Variants in CHRM5 observed in about 807,000 individuals in gnomAD.
The protein encoded by CHRM5 is cholinergic receptor muscarinic 5.
Under a neutral mutation model 39.0 loss-of-function variants are expected in CHRM5, and 18 were observed. The ratio of observed to expected loss-of-function variants is 0.46; its 90% CI spans 0.32 to 0.68. CHRM5 has a LOEUF of 0.68. Among genes scored for constraint, CHRM5 ranks in the 30% least tolerant of loss-of-function variants. The pLI, the probability that CHRM5 is intolerant of heterozygous loss-of-function variation, is 0.04. For synonymous variants in CHRM5, 241 were observed against 246.3 expected (o/e 0.98, Z 0.20); for missense variants, 515 against 651.1 (o/e 0.79, Z 2.28).
intron 1 of CHRM5, among the ~76,000 whole-genome samples, chr15:34,018,887 AAC>A (rs1219174245): frequency 7.0e-6 from 1 of 143,414 alleles, no homozygotes; most frequent in African/African-American, 2.9e-5. Flanking sequence ...CCTTTAGCTA[AAC>A]ACAGAGTGCT....
intron 1 of CHRM5, among the ~76,000 whole-genome samples, chr15:34,007,693 G>C (rs1056604451): frequency 6.6e-6 from 1 of 152,174 alleles, no homozygotes; most frequent in Non-Finnish European, 1.5e-5. Context: ...TCCTACAGCT[G>C]CCATAACAAA....
chr15:34,023,368 G>A (rs945602888), intron 1 of CHRM5, among the ~76,000 whole-genome samples: 7 of 152,098 alleles, frequency 4.6e-5, no homozygotes, highest in African/African-American at 1.7e-4. Flanking sequence ...ACCTCATCTT[G>A]GCCGAGTCCT....
At chr15:34,019,652 T>A (rs1013292047) in intron 1 of CHRM5, among the ~76,000 whole-genome samples, 7 of 152,238 alleles carry the variant, frequency 4.6e-5, no homozygotes, top group Non-Finnish European at 7.3e-5. Flanking sequence ...GTACCTTTTT[T>A]ATGTTTAGAC....
intron 1 of CHRM5, among the ~76,000 whole-genome samples, chr15:33,983,216 A>ATG (rs1851013682): frequency 8.6e-5 from 1 of 11,610 alleles, no homozygotes; most frequent in Non-Finnish European, 2.1e-4. Context: ...ATATATATAC[A>ATG]TATATATACA....
intron 1 of CHRM5, among the ~76,000 whole-genome samples, chr15:34,040,324 C>T (rs528131469): frequency 1.3e-5 from 2 of 152,230 alleles, no homozygotes; most frequent in South Asian, 4.2e-4. Context: ...TATATTTAAA[C>T]GGGTTACCCA....
intron 1 of CHRM5, among the ~76,000 whole-genome samples, chr15:33,975,279 T>C (rs1895836419): frequency 6.6e-6 from 1 of 152,196 alleles, no homozygotes; most frequent in African/African-American, 2.4e-5. Flanking sequence ...TTTGATTCCA[T>C]ATAGACACTG....
At chr15:34,036,837 G>T (rs1899149785) in intron 1 of CHRM5, among the ~76,000 whole-genome samples, 2 of 148,040 alleles carry the variant, frequency 1.4e-5, no homozygotes. Flanking sequence ...GGCGCAGTGG[G>T]TCACACCTGT....
At chr15:34,040,082 T>C (rs761641125) in intron 1 of CHRM5, among the ~76,000 whole-genome samples, 1 of 152,212 alleles carries the variant, frequency 6.6e-6, no homozygotes, top group Non-Finnish European at 1.5e-5. Context: ...TTCTTTCCTA[T>C]ATCCATACAT....
intron 1 of CHRM5, among the ~76,000 whole-genome samples, chr15:34,030,654 A>G (rs1898744890): frequency 6.6e-6 from 1 of 151,458 alleles, no homozygotes; most frequent in Non-Finnish European, 1.5e-5. Context: ...GTTGAGAAAG[A>G]GTCTCGGGCT....
At chr15:33,983,650 C>T (rs1896291223) in intron 1 of CHRM5, among the ~76,000 whole-genome samples, 1 of 152,114 alleles carries the variant, frequency 6.6e-6, no homozygotes, top group Non-Finnish European at 1.5e-5. Context: ...CCAGAAATTC[C>T]TCCTTCCATG....
At chr15:34,038,788 T>G in intron 1 of CHRM5, 1 of 1,181,808 alleles carries the variant, frequency 8.5e-7, no homozygotes, top group Non-Finnish European at 1.0e-6. Context: ...ACCGGCGCGC[T>G]GGCCCCTGCG....
chr15:34,047,616 C>T (rs486845), intron 2 of CHRM5, among the ~76,000 whole-genome samples: 145,432 of 152,246 alleles, frequency 0.96, 69,663 homozygotes, highest in East Asian at 1. Flanking sequence ...ATGACTGTTA[C>T]CTCTGTGGTT....
At chr15:34,054,252 T>C (rs1186144333) in intron 2 of CHRM5, among the ~76,000 whole-genome samples, 2 of 152,202 alleles carry the variant, frequency 1.3e-5, no homozygotes, top group Admixed American at 6.5e-5. Flanking sequence ...AGTTCAACCA[T>C]TGTGGAATAC....
At chr15:33,974,006 AATAAT>A (rs1895761296) in intron 1 of CHRM5, among the ~76,000 whole-genome samples, 1 of 152,224 alleles carries the variant, frequency 6.6e-6, no homozygotes, top group African/African-American at 2.4e-5. Flanking sequence ...TTTATACTGA[AATAAT>A]AGCTATAAGG....
chr15:34,053,319 A>AATATATATAT (rs71119922), intron 2 of CHRM5, among the ~76,000 whole-genome samples: 139 of 42,058 alleles, frequency 3.3e-3, no homozygotes, highest in Non-Finnish European at 4.6e-3. Flanking sequence ...AAAAAAAAAA[A>AATATATATAT]ATATATATAT....
chr15:34,013,778 T>G (rs1464136019), intron 1 of CHRM5, among the ~76,000 whole-genome samples: 2 of 152,160 alleles, frequency 1.3e-5, no homozygotes, highest in Non-Finnish European at 2.9e-5. Flanking sequence ...AGGACCAGGC[T>G]TGTGAGCCAG....
intron 1 of CHRM5, among the ~76,000 whole-genome samples, chr15:34,037,421 G>A (rs971149554): frequency 1.3e-5 from 2 of 151,580 alleles, no homozygotes; most frequent in Admixed American, 6.6e-5. Context: ...AGCTGTGAAA[G>A]CTTAGGCAAG....
intron 1 of CHRM5, among the ~76,000 whole-genome samples, chr15:34,008,672 T>C (rs1364833144): frequency 1.3e-5 from 2 of 151,518 alleles, no homozygotes; most frequent in South Asian, 4.2e-4. Context: ...GTATTTATAG[T>C]AGAGACAGGG....
intron 1 of CHRM5, among the ~76,000 whole-genome samples, chr15:34,013,758 G>T (rs962855796): frequency 1.3e-5 from 2 of 152,156 alleles, no homozygotes; most frequent in African/African-American, 4.8e-5. Context: ...GGGGAATGGG[G>T]GACATCTTCA....
Sources: allele counts gnomAD v4.1 joint callset (sites outside exome capture counted in the v4.1 genomes callset), GRCh38; gene constraint gnomAD v4.1.1; transcripts MANE v1.5; gene names NCBI Gene and HGNC (gene_info 2026-07-23, HGNC 2026-07-21).